The following TRAF3IP2 variants were observed in gnomAD, a reference collection of about 807,000 sequenced individuals.
TRAF3IP2 encodes E3 ubiquitin ligase TRAF3IP2.
A neutral mutation model predicts 57.9 loss-of-function variants in TRAF3IP2; 35 were observed. That is an observed-to-expected ratio of 0.60 (90% CI 0.46 to 0.80). TRAF3IP2 has a LOEUF of 0.80. Among genes scored for constraint, TRAF3IP2 ranks in the 30% least tolerant of loss-of-function variants. The probability of loss-of-function intolerance (pLI) is 0.00; values close to 1 mark genes in which losing one functional copy is unlikely to be tolerated. For synonymous variants in TRAF3IP2, 251 were observed against 268.9 expected (o/e 0.93, Z 0.65); for missense variants, 556 against 706.4 (o/e 0.79, Z 2.41).
chr6:111,564,729 G>C lies in TRAF3IP2; in HGVS notation c.1477-1690C>G, dbSNP rs554535419. 3.3e-5 allele frequency among the ~76,000 whole-genome samples: 5 copies of C among 152,278 alleles called. No homozygotes were observed. The South Asian group carries it at 8.3e-4, about 25-fold the overall frequency. On this transcript the variant is annotated intron_variant, in intron 7 of 8. Transcript: ENST00000368761. ...AAGAAACCAAGTTTGGCGACAGTTT[G>C]GTTCCAGTTGGTACAGTCAGACAAG... is the stretch of plus-strand genomic sequence containing the variant.
chr6:111,582,329 T>C (rs1277023656), intron 2 of TRAF3IP2, among the ~76,000 whole-genome samples: 2 of 152,192 alleles, frequency 1.3e-5, no homozygotes, highest in Non-Finnish European at 2.9e-5. Context: ...CAGGACCCCA[T>C]GACCCTTGCC....
chr6:111,600,620 TCTG>T (rs1210318223), intron 1 of TRAF3IP2: 3 of 152,282 alleles, frequency 2.0e-5, no homozygotes, highest in Non-Finnish European at 2.9e-5. Context: ...TGTTTCATAT[TCTG>T]CTCCTTTTTT....
intron 1 of TRAF3IP2, chr6:111,601,950 G>A (rs944206407): frequency 6.6e-6 from 1 of 152,208 alleles, no homozygotes; most frequent in African/African-American, 2.4e-5. Context: ...TGGAAGGTTG[G>A]TTTTGAGTGA....
At chr6:111,566,904 C>T in intron 6 of TRAF3IP2, 2 of 361,012 alleles carry the variant, frequency 5.5e-6, no homozygotes, top group South Asian at 4.6e-5. Context: ...AAGAAGCACC[C>T]TCCCTCCCTC....
chr6:111,561,137 G>GC (rs1795423418), intron 8 of TRAF3IP2, among the ~76,000 whole-genome samples: 1 of 147,928 alleles, frequency 6.8e-6, no homozygotes, highest in Admixed American at 6.8e-5. Context: ...AGCTGAGATT[G>GC]CACCACTGCA....
rs1414385204 is a variant in TRAF3IP2, at chr6:111,566,442, A to G, written c.1476+2T>C. On this transcript the variant is annotated splice_donor_variant, in intron 7 of 8. Coordinates refer to ENST00000368761, the MANE Select transcript of TRAF3IP2 (RefSeq NM_147686.4). LOFTEE classifies it high-confidence loss of function. The stretch of plus-strand genomic sequence containing the variant: ...AGGTGTTGTGATCCCCTCCCCACTC[A>G]CCATTCGATGAATGTACTTAGTATG... 1 of 1,611,152 alleles carries G rather than the reference A, an allele frequency of 6.2e-7. No homozygotes were observed. Among genetic ancestry groups the G allele is most frequent in the South Asian group, 1.1e-5 (1 of 90,970 alleles).
chr6:111,598,024 G>A (rs1005773298), intron 1 of TRAF3IP2: 1 of 403,772 alleles, frequency 2.5e-6, no homozygotes, highest in Admixed American at 3.1e-5. Context: ...TGCTGGCAGT[G>A]CCCTGGGTCA....
intron 1 of TRAF3IP2, among the ~76,000 whole-genome samples, chr6:111,596,426 A>G: frequency 6.6e-6 from 1 of 151,146 alleles, no homozygotes; most frequent in East Asian, 2.0e-4. Context: ...CCAAGTAGCT[A>G]GGACTACAGG....
chr6:111,568,585 A>C (rs2128372507), intron 5 of TRAF3IP2, among the ~76,000 whole-genome samples: 1 of 151,994 alleles, frequency 6.6e-6, no homozygotes, highest in African/African-American at 2.4e-5. Flanking sequence ...GGGAGGGGTT[A>C]CGTGATTCAG....
At chr6:111,562,923 CAA>C in intron 8 of TRAF3IP2, 40 bp downstream of exon 8, 1 of 1,466,080 alleles carries the variant, frequency 6.8e-7, no homozygotes, top group Non-Finnish European at 9.4e-7. Context: ...CAAAGCAAAC[CAA>C]AGATTGAATT....
Position 111,591,194 on chromosome 6 carries a change from T to G in TRAF3IP2, c.829+64A>C. 1 of 1,284,580 alleles carries G rather than the reference T, an allele frequency of 7.8e-7. No homozygotes were observed. The highest frequency in any genetic ancestry group is 1.1e-6 in the Non-Finnish European group (1 of 950,304). 79.6% of individuals were successfully genotyped at this position (1,284,580 alleles called of 1,614,324 possible). ...CCAGCCTAGTGACACGAAGCATTGA[T>G]GTGAGGCCCTTGTTTCTTCAGTCAC... On this transcript the variant is annotated intron_variant, in intron 2 of 8. Coordinates refer to ENST00000368761, the MANE Select transcript of TRAF3IP2 (RefSeq NM_147686.4). The surrounding 1 kb of genome is among the most constrained non-coding windows in gnomAD (Gnocchi z 4.9).
At chr6:111,566,314 T>A (rs1346345824) in intron 7 of TRAF3IP2, 130 bp downstream of exon 7, 1 of 748,764 alleles carries the variant, frequency 1.3e-6, no homozygotes, top group African/African-American at 1.7e-5. Context: ...TCTCCTGACA[T>A]GGCAAGCCTG....
At chr6:111,577,836 T>C (rs757127086) in intron 3 of TRAF3IP2, among the ~76,000 whole-genome samples, 1 of 152,106 alleles carries the variant, frequency 6.6e-6, no homozygotes, top group Non-Finnish European at 1.5e-5. Flanking sequence ...CTCAGCCTCC[T>C]TAGTAGCTGG....
chr6:111,599,494 G>GACA (rs2128385745), intron 1 of TRAF3IP2, among the ~76,000 whole-genome samples: 1 of 152,196 alleles, frequency 6.6e-6, no homozygotes, highest in Admixed American at 6.5e-5. Context: ...CTCCCTTGGT[G>GACA]TCCCAGTGAC....
At chr6:111,594,880 C>G (rs1162856653) in intron 1 of TRAF3IP2, among the ~76,000 whole-genome samples, 2 of 152,134 alleles carry the variant, frequency 1.3e-5, no homozygotes, top group Admixed American at 6.5e-5. Flanking sequence ...CGTGCCATGG[C>G]ACTCCAGCCT....
At chr6:111,571,395 C>T (rs935825027) in intron 5 of TRAF3IP2, among the ~76,000 whole-genome samples, 1 of 151,738 alleles carries the variant, frequency 6.6e-6, no homozygotes, top group Non-Finnish European at 1.5e-5. Flanking sequence ...GTATTTTAGT[C>T]GTGATGGGGT....
rs192703459 is a variant in TRAF3IP2, at chr6:111,591,006, G to A, written c.829+252C>T. Among the ~76,000 whole-genome samples the A allele has an allele frequency of 3.3e-4, 50 of 152,314 alleles. No homozygotes were observed. Among genetic ancestry groups the A allele is most frequent in the Middle Eastern group, 3.4e-3 (1 of 294 alleles). On this transcript the variant is annotated intron_variant, in intron 2 of 8. Transcript: ENST00000368761. The surrounding 1 kb of genome is among the most constrained non-coding windows in gnomAD (Gnocchi z 4.9). ...GGTTTGTTAAACTAACCCAGACAGAGGAACCCATTTTGTCCTTAAAGGTCC... is the reference window on the plus strand; with the variant it reads ...GGTTTGTTAAACTAACCCAGACAGAAGAACCCATTTTGTCCTTAAAGGTCC...
chr6:111,567,749 G>A (rs139514570), intron 5 of TRAF3IP2, 57 bp from the exon 6 acceptor site: 2 of 1,445,230 alleles, frequency 1.4e-6, no homozygotes, highest in Non-Finnish European at 1.9e-6. Context: ...TCAAGATGCA[G>A]AGCAGAAGAA....
In TRAF3IP2 at chr6:111,603,084, GCACACACACA is replaced by G. The variant is rs3066041; in HGVS notation, c.-9+2682_-9+2691del. On this transcript the variant is annotated intron_variant, in intron 1 of 8. Coordinates refer to ENST00000368761, the MANE Select transcript of TRAF3IP2 (RefSeq NM_147686.4). ...GAAGGTCTGTGCACACACAAGGTGT[GCACACACACA>G]CACACACACACACACACAAGGCGTG... Among the ~76,000 whole-genome samples the G allele has an allele frequency of 1.7e-4, 26 of 149,966 alleles. No homozygotes were observed. The South Asian group carries it at 2.7e-3, about 16-fold the overall frequency.
Sources: allele counts gnomAD v4.1 joint callset (sites outside exome capture counted in the v4.1 genomes callset), GRCh38; gene constraint gnomAD v4.1.1; non-coding constraint Gnocchi (gnomAD v3.1); transcripts MANE v1.5; gene names NCBI Gene and HGNC (gene_info 2026-07-23, HGNC 2026-07-21).